Variants in ACOT11 observed in about 807,000 individuals in gnomAD.
The protein encoded by ACOT11 is acyl-coenzyme A thioesterase 11.
ACOT11 carries 69 observed loss-of-function variants against 77.5 expected under a neutral mutation model. That is an observed-to-expected ratio of 0.89 (90% CI 0.73 to 1.09). ACOT11 has a LOEUF of 1.09. Ranked by LOEUF, ACOT11 falls within the 50% of genes least tolerant of loss-of-function variation. ACOT11 has a pLI of 0.00. For missense variants in ACOT11, 766 were observed against 813.7 expected, an observed-to-expected ratio of 0.94 and a Z score of 0.71; for synonymous variants, 279 against 313.0, an observed-to-expected ratio of 0.89 and a Z score of 1.15.
intron 4 of ACOT11, among the ~76,000 whole-genome samples, chr1:54,593,345 T>C (rs1654778486): frequency 6.6e-6 from 1 of 151,358 alleles, no homozygotes; most frequent in South Asian, 2.1e-4. Flanking sequence ...GGTGCCATCA[T>C]AGCTCACTGT....
rs112305221 is a variant in ACOT11, at chr1:54,630,618, G to A, written c.1630-116G>A. On this transcript the variant is annotated intron_variant, in intron 15 of 16. Coordinates refer to the ACOT11 transcript ENST00000371316. ...AAACAATGCTAATGACTGGTTTGCT[G>A]TTAATAAATACGTGGATAAATCTCT... 3,278 of 526,722 alleles carry A rather than the reference G, an allele frequency of 6.2e-3. 93 individuals carry two copies. Among genetic ancestry groups the A allele is most frequent in the African/African-American group, 0.057 (2,919 of 51,510 alleles). The allele number at this position is 526,722 out of a possible 1,614,324, so 32.6% of individuals were successfully genotyped here. A position where few individuals can be genotyped will look rare whatever the true frequency, so the allele number is the denominator to read the frequency against.
At chr1:54,600,481 A>G (rs1437355391) in intron 8 of ACOT11, among the ~76,000 whole-genome samples, 1 of 152,158 alleles carries the variant, frequency 6.6e-6, no homozygotes, top group Non-Finnish European at 1.5e-5. Flanking sequence ...CTCGGAGTTC[A>G]AGACTATCCT....
At chr1:54,567,871 A>G (rs1187064287) in intron 1 of ACOT11, among the ~76,000 whole-genome samples, 2 of 151,982 alleles carry the variant, frequency 1.3e-5, no homozygotes, top group Non-Finnish European at 1.5e-5. Flanking sequence ...TCTCCATCCT[A>G]AAGTTCACCT....
At chr1:54,595,681 T>A (rs529863331) in intron 6 of ACOT11, among the ~76,000 whole-genome samples, 1 of 152,316 alleles carries the variant, frequency 6.6e-6, no homozygotes, top group African/African-American at 2.4e-5. Flanking sequence ...CTGGGGGTTG[T>A]TCTATACCAG....
chr1:54,602,952 T>A (rs997168534), intron 10 of ACOT11, among the ~76,000 whole-genome samples: 2 of 152,192 alleles, frequency 1.3e-5, no homozygotes, highest in African/African-American at 4.8e-5. Context: ...CACACAAATA[T>A]CATCAGCAGA....
chr1:54,575,696 C>T (rs1202370984), intron 1 of ACOT11, among the ~76,000 whole-genome samples: 2 of 152,206 alleles, frequency 1.3e-5, no homozygotes, highest in Non-Finnish European at 2.9e-5. Flanking sequence ...ATCAAATTCT[C>T]CCACAATTAA....
chr1:54,593,801 C>A, intron 4 of ACOT11, 140 bp from the exon 5 acceptor site: 1 of 689,508 alleles, frequency 1.5e-6, no homozygotes. Flanking sequence ...AGATCTCTGG[C>A]CTCCCAGACC....
chr1:54,566,271 A>C (rs1346466530), intron 1 of ACOT11, among the ~76,000 whole-genome samples: 1 of 152,116 alleles, frequency 6.6e-6, no homozygotes, highest in African/African-American at 2.4e-5. Flanking sequence ...AGCCTGACCA[A>C]CATGGTGATA....
chr1:54,605,278 C>G (rs1050444717), intron 13 of ACOT11, 69 bp downstream of exon 13: 27 of 1,551,256 alleles, frequency 1.7e-5, no homozygotes, highest in Non-Finnish European at 1.9e-5. Flanking sequence ...GTGTCTCCTT[C>G]TGCGGGTCAT....
At chr1:54,611,178 A>T (rs1644113681), downstream of ACOT11, among the ~76,000 whole-genome samples, 1 of 152,194 alleles carries the variant, frequency 6.6e-6, no homozygotes, top group South Asian at 2.1e-4. Flanking sequence ...TCATGCCTGT[A>T]ATCCCAGTAC....
chr1:54,559,189 C>T (rs12061713), intron 1 of ACOT11, among the ~76,000 whole-genome samples: 9,757 of 152,242 alleles, frequency 0.064, 424 homozygotes, highest in South Asian at 0.14. Flanking sequence ...CTGGAACTTC[C>T]GTGCACCTAG....
At chr1:54,622,275 CAAAAAAA>C (rs34730286) in intron 15 of ACOT11, among the ~76,000 whole-genome samples, 2 of 45,932 alleles carry the variant, frequency 4.4e-5, no homozygotes, top group Admixed American at 2.7e-4. Flanking sequence ...GACTCTGTCT[CAAAAAAA>C]AAAAAAAAAA....
chr1:54,551,622 C>T (rs1196399606), intron 1 of ACOT11, among the ~76,000 whole-genome samples: 2 of 152,152 alleles, frequency 1.3e-5, no homozygotes, highest in African/African-American at 4.8e-5. Flanking sequence ...CTCTGCCCAG[C>T]CTCAGGTCTA....
chr1:54,594,814 C>T, intron 6 of ACOT11, 123 bp downstream of exon 6: 1 of 1,372,588 alleles, frequency 7.3e-7, no homozygotes, highest in Non-Finnish European at 9.8e-7. Context: ...ACTGGTGGCC[C>T]TGGGCCTCTC....
At chr1:54,632,419 G>T (rs192787289) in intron 16 of ACOT11, among the ~76,000 whole-genome samples, 2 of 152,178 alleles carry the variant, frequency 1.3e-5, no homozygotes, top group Non-Finnish European at 2.9e-5. Flanking sequence ...GGTACAATAG[G>T]ATTACTTTTA....
At chr1:54,578,542 T>C (rs1326823060) in intron 1 of ACOT11, among the ~76,000 whole-genome samples, 1 of 152,222 alleles carries the variant, frequency 6.6e-6, no homozygotes, top group East Asian at 1.9e-4. Flanking sequence ...CAGATGACAG[T>C]CCATGACCTG....
At chr1:54,548,981 A>G (rs1309063125) in intron 1 of ACOT11, among the ~76,000 whole-genome samples, 1 of 152,142 alleles carries the variant, frequency 6.6e-6, no homozygotes, top group East Asian at 1.9e-4. Context: ...GTGTATGGAG[A>G]TGGGCTCAGG....
chr1:54,557,749 T>A (rs1557645331), intron 1 of ACOT11, among the ~76,000 whole-genome samples: 1 of 152,152 alleles, frequency 6.6e-6, no homozygotes, highest in Admixed American at 6.5e-5. Flanking sequence ...CTTTACTGAA[T>A]TTATTATTCC....
At chr1:54,555,388 T>A (rs1046363226) in intron 1 of ACOT11, among the ~76,000 whole-genome samples, 1 of 152,266 alleles carries the variant, frequency 6.6e-6, no homozygotes, top group Non-Finnish European at 1.5e-5. Context: ...TTGTATAGCT[T>A]CCTTTGAGAA....
Sources: allele counts gnomAD v4.1 joint callset (sites outside exome capture counted in the v4.1 genomes callset), GRCh38; gene constraint gnomAD v4.1.1; transcripts MANE v1.5; gene names NCBI Gene and HGNC (gene_info 2026-07-23, HGNC 2026-07-21).